Variants in JPH3 observed in about 807,000 individuals in gnomAD.
JPH3 encodes junctophilin 3.
Under a neutral mutation model 59.6 loss-of-function variants are expected in JPH3, and 11 were observed. That is an observed-to-expected ratio of 0.18 (90% confidence interval 0.12 to 0.31). The LOEUF is 0.31. Among genes scored for constraint, JPH3 ranks in the 10% least tolerant of loss-of-function variants. The pLI is 1.00. For synonymous variants in JPH3, 673 were observed against 483.6 expected, an observed-to-expected ratio of 1.39 and a Z score of -5.14; for missense variants, 1,202 against 1,105.7, an observed-to-expected ratio of 1.09 and a Z score of -1.24.
chr16:87,689,833 G>C lies in JPH3; in HGVS notation c.1473G>C (p.Ala491=). 6 of 1,546,490 alleles carry C rather than the reference G, an allele frequency of 3.9e-6. No homozygotes were observed. The highest frequency in any genetic ancestry group is 5.2e-6 in the Non-Finnish European group (6 of 1,147,868). ...GCCCCGCGGCCACCCCGCCGCCCGCGCCCGCCGCCAGGAACAAGGTCGCCC... is the reference window on the plus strand; with the variant it reads ...GCCCCGCGGCCACCCCGCCGCCCGCCCCCGCCGCCAGGAACAAGGTCGCCC... The part of the protein sequence containing the change: ...PTSPAATPPP[A]PAARNKVAHF... The change falls in exon 4 of 5, where the codon GCG becomes GCC. Residue 491 remains alanine, a synonymous_variant. Coordinates refer to ENST00000284262, the MANE Select transcript of JPH3 (RefSeq NM_020655.4).
At chr16:87,673,723 C>G (rs142730309) in intron 2 of JPH3, among the ~76,000 whole-genome samples, 133 of 151,968 alleles carry the variant, frequency 8.8e-4, no homozygotes, top group Middle Eastern at 3.4e-3. Context: ...GTCAGGAGTT[C>G]GAGACCAGCC....
At chr16:87,650,415 C>T (rs909402330) in intron 2 of JPH3, among the ~76,000 whole-genome samples, 2 of 152,172 alleles carry the variant, frequency 1.3e-5, no homozygotes, top group Non-Finnish European at 1.5e-5. Context: ...TGAGACACAA[C>T]AGTATTAAAA....
At chr16:87,614,149 T>A (rs28555336) in intron 1 of JPH3, among the ~76,000 whole-genome samples, 1 of 152,200 alleles carries the variant, frequency 6.6e-6, no homozygotes, top group Admixed American at 6.5e-5. Context: ...GACACAGAGC[T>A]GCGTGACCCC....
chr16:87,630,000 T>TA (rs963441330), intron 1 of JPH3, among the ~76,000 whole-genome samples: 11 of 152,172 alleles, frequency 7.2e-5, no homozygotes, highest in South Asian at 2.1e-4. Context: ...AAGAAAAAGT[T>TA]AAAAAAAGAC....
chr16:87,683,086 G>A (rs2033334090), intron 2 of JPH3, among the ~76,000 whole-genome samples: 1 of 152,214 alleles, frequency 6.6e-6, no homozygotes. Flanking sequence ...TCATCTTTCG[G>A]CTGGGTGAGG....
chr16:87,685,394 A>G (rs984795752), intron 3 of JPH3, among the ~76,000 whole-genome samples: 13 of 152,232 alleles, frequency 8.5e-5, no homozygotes, highest in African/African-American at 3.1e-4. Flanking sequence ...TGGGAGGGCA[A>G]TGGGCCACGT....
At chr16:87,652,817 G>A (rs1286175277) in intron 2 of JPH3, among the ~76,000 whole-genome samples, 1 of 152,256 alleles carries the variant, frequency 6.6e-6, no homozygotes, top group African/African-American at 2.4e-5. Flanking sequence ...ATTTTTCCGT[G>A]TGAATGCAGC....
At chr16:87,684,989 G>A (rs536575578) in intron 3 of JPH3, among the ~76,000 whole-genome samples, 267 of 152,318 alleles carry the variant, frequency 1.8e-3, no homozygotes, top group African/African-American at 3.8e-3. Flanking sequence ...GGTTAGGAGC[G>A]CGCCCCCTCA....
At chr16:87,622,294 C>T (rs56278156) in intron 1 of JPH3, among the ~76,000 whole-genome samples, 48,622 of 152,086 alleles carry the variant, frequency 0.32, 8,090 homozygotes, top group African/African-American at 0.37. Flanking sequence ...GCCATTTCCT[C>T]CTCTCCTCCT....
At chr16:87,640,893 T>C (rs968808779) in intron 1 of JPH3, among the ~76,000 whole-genome samples, 3 of 152,184 alleles carry the variant, frequency 2.0e-5, no homozygotes, top group Non-Finnish European at 4.4e-5. Context: ...TGTGTCCAGC[T>C]TGGACTGGCC....
intron 2 of JPH3, among the ~76,000 whole-genome samples, chr16:87,648,128 C>G (rs556711485): frequency 1.3e-5 from 2 of 152,262 alleles, no homozygotes; most frequent in South Asian, 2.1e-4. Context: ...TGGTGCGACC[C>G]TTGGAGGTGG....
At chr16:87,627,520 C>A (rs544203778) in intron 1 of JPH3, among the ~76,000 whole-genome samples, 1 of 152,170 alleles carries the variant, frequency 6.6e-6, no homozygotes, top group Non-Finnish European at 1.5e-5. Context: ...CCTCCCAGTG[C>A]CTTTGGAGGT....
At chr16:87,629,694 G>A (rs2031500607) in intron 1 of JPH3, among the ~76,000 whole-genome samples, 1 of 151,698 alleles carries the variant, frequency 6.6e-6, no homozygotes, top group Non-Finnish European at 1.5e-5. Context: ...GGGGGAGGGA[G>A]GGACAGACAG....
At chr16:87,659,556 C>G (rs1466918747) in intron 2 of JPH3, among the ~76,000 whole-genome samples, 1 of 151,914 alleles carries the variant, frequency 6.6e-6, no homozygotes, top group Non-Finnish European at 1.5e-5. Context: ...AATTCCATCT[C>G]TACTAAAAAT....
At chr16:87,694,995 T>G (rs1249606011) in intron 4 of JPH3, 4 of 298,128 alleles carry the variant, frequency 1.3e-5, no homozygotes, top group South Asian at 1.3e-4. Flanking sequence ...CTGTTGTGAA[T>G]CCTGCTGCCG....
At chr16:87,602,357 C>T (rs1256791649), upstream of JPH3, among the ~76,000 whole-genome samples, 1 of 135,418 alleles carries the variant, frequency 7.4e-6, no homozygotes, top group Non-Finnish European at 1.6e-5. Flanking sequence ...GGGGTCCCCG[C>T]CCGCGCGCCG....
intron 1 of JPH3, among the ~76,000 whole-genome samples, chr16:87,627,819 G>T (rs2031432448): frequency 6.6e-6 from 1 of 152,204 alleles, no homozygotes. Flanking sequence ...CCTTGGAGAG[G>T]GGCCAGTCCT....
chr16:87,660,435 C>G (rs67163887), intron 2 of JPH3, among the ~76,000 whole-genome samples: 13,490 of 152,214 alleles, frequency 0.089, 658 homozygotes, highest in Middle Eastern at 0.13. Context: ...TCCCAGGGCT[C>G]TGTCCCCAAG....
At chr16:87,617,041 A>G (rs1049735512) in intron 1 of JPH3, among the ~76,000 whole-genome samples, 10 of 152,184 alleles carry the variant, frequency 6.6e-5, no homozygotes, top group African/African-American at 1.9e-4. Flanking sequence ...CCTGGCCAAC[A>G]TGGTGAAACC....
Sources: gnomAD v4.1 joint callset for allele counts (sites outside exome capture counted in the v4.1 genomes callset) on GRCh38, gnomAD v4.1.1 for gene constraint, MANE v1.5 for transcripts, NCBI Gene and HGNC (gene_info 2026-07-23, HGNC 2026-07-21) for gene names.